The following CD99 variants were observed in gnomAD, a reference collection of about 807,000 sequenced individuals.
CD99 encodes CD99 molecule (Xg blood group).
In CD99, 19 loss-of-function variants were observed where a neutral mutation model predicts 28.4. The ratio of observed to expected loss-of-function variants is 0.67; its 90% CI spans 0.47 to 0.98. The LOEUF is 0.98. Among genes scored for constraint, CD99 ranks in the 50% least tolerant of loss-of-function variants. The probability of loss-of-function intolerance (pLI) is 0.00; values close to 1 mark genes in which losing one functional copy is unlikely to be tolerated. For synonymous variants in CD99, 103 were observed against 92.1 expected (o/e 1.12, Z -0.67); for missense variants, 283 against 248.8 (o/e 1.14, Z -0.92).
intron 8 of CD99, among the ~76,000 whole-genome samples, chrX:2,735,810 C>T (rs776619833): frequency 6.6e-6 from 1 of 152,088 alleles, no homozygotes; most frequent in South Asian, 2.1e-4. Flanking sequence ...AGAATTTGGC[C>T]CTTTATGTGG....
At chrX:2,734,824 TCTTA>T (rs1232638055) in intron 8 of CD99, among the ~76,000 whole-genome samples, 2 of 152,136 alleles carry the variant, frequency 1.3e-5, no homozygotes, top group Admixed American at 1.3e-4. Flanking sequence ...TTTAATTTTT[TCTTA>T]CTTCTTTTAC....
chrX:2,717,545 G>T, intron 2 of CD99, 60 bp from the exon 3 acceptor site: 2 of 1,286,044 alleles, frequency 1.6e-6, no homozygotes, highest in Non-Finnish European at 2.3e-6. Flanking sequence ...AACCACAAAA[G>T]AGTTGACACT....
In CD99 at chrX:2,691,306, C is replaced by A; in HGVS notation, c.-55C>A. 1 of 1,447,460 alleles carries A rather than the reference C, an allele frequency of 6.9e-7. No homozygotes were observed. 89.7% of individuals were successfully genotyped at this position (1,447,460 alleles called of 1,614,324 possible). A position where few individuals can be genotyped will look rare whatever the true frequency, so the allele number is the denominator to read the frequency against. On this transcript the variant is annotated 5_prime_UTR_variant, in exon 1 of 10. Transcript: ENST00000381192. ...GCCCGTGGGGGAGTATCTGTCCTGC[C>A]GCCTTCGCCCACGCCCTGCACTCCG...
chrX:2,731,909 CTG>C (rs2049627991), intron 8 of CD99, among the ~76,000 whole-genome samples: 1 of 151,752 alleles, frequency 6.6e-6, no homozygotes, highest in African/African-American at 2.4e-5. Context: ...GCAAAAATAA[CTG>C]CGGTTTATGC....
Position 2,720,529 on chromosome X carries a change from G to A in CD99, c.262+105G>A, listed in dbSNP as rs2048942256. ...TTCAGATGAGTGTGTGCTTACTGTT[G>A]ACTGCCTGTGCAGTGTAATGCCCAT... is the stretch of plus-strand genomic sequence containing the variant. On this transcript the variant is annotated intron_variant, in intron 5 of 9. Coordinates refer to ENST00000381192, the MANE Select transcript of CD99 (RefSeq NM_002414.5). The A allele has an allele frequency of 1.5e-5, 15 of 1,025,494 alleles. No individual in the cohort carries two copies. In the South Asian group the frequency reaches 1.7e-4, roughly 12 times the overall value. The allele number at this position is 1,025,494 out of a possible 1,614,324, so 63.5% of individuals were successfully genotyped here.
chrX:2,692,297 C>T, intron 1 of CD99: 1 of 250,754 alleles, frequency 4.0e-6, no homozygotes, highest in South Asian at 4.4e-5. Flanking sequence ...TTCGTATGGG[C>T]AGGCTTTTAA....
rs969486974 is a variant in CD99 at position 2,740,821 on chromosome X, A to G, written c.*17A>G. 3 of 1,613,802 alleles carry G rather than the reference A, an allele frequency of 1.9e-6. No individual in the cohort carries two copies. Among genetic ancestry groups the G allele is most frequent in the Non-Finnish European group, 1.7e-6 (2 of 1,179,836 alleles). ...GAGAAATAGAAGATTGTCGGCAGAA[A>G]CAGCCCAGGCGTTGGCAGCAGGGTT... On this transcript the variant is annotated 3_prime_UTR_variant, in exon 10 of 10. Transcript: ENST00000381192.
intron 1 of CD99, among the ~76,000 whole-genome samples, chrX:2,706,198 A>G (rs2124508208): frequency 6.6e-6 from 1 of 152,122 alleles, no homozygotes; most frequent in South Asian, 2.1e-4. Flanking sequence ...TCTCTACTAA[A>G]AATACAAAAA....
At chrX:2,711,278 GTATA>G (rs1215801305) in intron 1 of CD99, among the ~76,000 whole-genome samples, 1 of 146,820 alleles carries the variant, frequency 6.8e-6, no homozygotes, top group Non-Finnish European at 1.5e-5. Context: ...TATATAATTC[GTATA>G]TATAGTATGT....
intron 1 of CD99, among the ~76,000 whole-genome samples, chrX:2,706,375 C>G (rs1412446182): frequency 6.6e-6 from 1 of 150,486 alleles, no homozygotes. Flanking sequence ...AAGGAAAAAA[C>G]AAAAAACAAA....
At chrX:2,707,599 C>G (rs1163757098) in intron 1 of CD99, among the ~76,000 whole-genome samples, 12 of 152,186 alleles carry the variant, frequency 7.9e-5, no homozygotes, top group Non-Finnish European at 1.8e-4. Flanking sequence ...TCGTCCGTTC[C>G]GCCTTGCCCT....
chrX:2,696,611 C>T (rs1440395008), intron 1 of CD99, among the ~76,000 whole-genome samples: 3 of 152,070 alleles, frequency 2.0e-5, no homozygotes, highest in African/African-American at 7.2e-5. Flanking sequence ...CCATCTTGGC[C>T]AGGCTGGTTT....
intron 1 of CD99, among the ~76,000 whole-genome samples, chrX:2,706,372 AAAC>A (rs1233614955): frequency 2.0e-5 from 3 of 150,584 alleles, no homozygotes; most frequent in Admixed American, 6.6e-5. Context: ...AAAAAGGAAA[AAAC>A]AAAAAACAAA....
rs763221205 is a variant in CD99, at chrX:2,725,410, A to G, written c.362-850A>G. Among the ~76,000 whole-genome samples, 792 of 151,114 alleles carry G rather than the reference A, an allele frequency of 5.2e-3. 8 individuals carry two copies. The highest frequency in any genetic ancestry group is 0.018 in the African/African-American group (743 of 40,528). On this transcript the variant is annotated intron_variant, in intron 7 of 9. Coordinates refer to ENST00000381192, the MANE Select transcript of CD99 (RefSeq NM_002414.5). ...AAGAACCCATCTCAAAATAATACAC[A>G]ATAATAATAATTAATTAAATAGAGA...
intron 8 of CD99, among the ~76,000 whole-genome samples, chrX:2,735,355 A>C (rs992311966): frequency 5.3e-5 from 8 of 152,178 alleles, no homozygotes; most frequent in Admixed American, 3.3e-4. Context: ...GACTTGTCAG[A>C]TGTGGCATGC....
intron 8 of CD99, chrX:2,727,221 G>A (rs1470526029): frequency 2.7e-6 from 2 of 747,082 alleles, no homozygotes; most frequent in Non-Finnish European, 5.0e-6. Flanking sequence ...GACCTGGGAA[G>A]TTTCTTGGAT....
chrX:2,714,949 A>C (rs2048616768), intron 2 of CD99: 1 of 154,542 alleles, frequency 6.5e-6, no homozygotes, highest in South Asian at 2.0e-4. Context: ...CTGGTGGAAT[A>C]ATTCACAGTC....
chrX:2,719,067 C>G (rs2048874225), intron 3 of CD99: 1 of 153,734 alleles, frequency 6.5e-6, no homozygotes, highest in South Asian at 2.0e-4. Context: ...TGGGTGGATG[C>G]CAGCAACCAT....
intron 8 of CD99, 122 bp downstream of exon 8, chrX:2,726,495 C>A: frequency 1.4e-6 from 1 of 727,150 alleles, no homozygotes; most frequent in South Asian, 1.5e-5. Context: ...GCTGATGGTT[C>A]GTGAAACTGC....
Sources: allele counts gnomAD v4.1 joint callset (sites outside exome capture counted in the v4.1 genomes callset), GRCh38; gene constraint gnomAD v4.1.1; transcripts MANE v1.5; gene names NCBI Gene and HGNC (gene_info 2026-07-23, HGNC 2026-07-21).